The following DPP10 variants were observed in gnomAD, a reference collection of about 807,000 sequenced individuals.
The protein encoded by DPP10 is inactive dipeptidyl peptidase 10.
DPP10 carries 33 observed loss-of-function variants against 120.9 expected under a neutral mutation model. The observed-to-expected ratio is 0.27, with a 90% CI of 0.21 to 0.37. The LOEUF (loss-of-function observed/expected upper bound fraction) is 0.37, where lower values mean the gene tolerates loss of function less well. DPP10 is among the 10% of genes least tolerant of loss of function. DPP10 has a pLI of 1.00. For missense variants in DPP10, 816 were observed against 942.8 expected (o/e 0.87, Z 1.76); for synonymous variants, 337 against 326.1 (o/e 1.03, Z -0.36).
At chr2:115,825,112 A>G (rs1688179549) in intron 21 of DPP10, among the ~76,000 whole-genome samples, 1 of 152,248 alleles carries the variant, frequency 6.6e-6, no homozygotes, top group African/African-American at 2.4e-5. Context: ...TGATATTTCA[A>G]CTGCATTTAC....
chr2:114,455,748 A>G (rs748861609), intron 1 of DPP10, among the ~76,000 whole-genome samples: 2 of 135,290 alleles, frequency 1.5e-5, no homozygotes, highest in Non-Finnish European at 3.2e-5. Flanking sequence ...TTTTTTTACC[A>G]TTTTCATGCT....
At chr2:115,400,884 C>T (rs1307161185) in intron 3 of DPP10, among the ~76,000 whole-genome samples, 7 of 152,150 alleles carry the variant, frequency 4.6e-5, no homozygotes, top group East Asian at 3.9e-4. Context: ...CCAACAGTTT[C>T]GAGGCTATGC....
At chr2:114,602,481 C>T (rs964734829) in intron 1 of DPP10, among the ~76,000 whole-genome samples, 1 of 151,786 alleles carries the variant, frequency 6.6e-6, no homozygotes, top group African/African-American at 2.4e-5. Flanking sequence ...CATCATCATC[C>T]CAGCTCATAT....
chr2:115,495,823 A>T lies in DPP10; in HGVS notation c.272-3687A>T, dbSNP rs1575016872. ...AACTGACTGAGTCGAATGTGTGTTC[A>T]GAATAATTGGCTCTTAACTGTCAAA... On this transcript the variant is annotated intron_variant, in intron 3 of 25. Coordinates refer to ENST00000410059, the MANE Select transcript of DPP10 (RefSeq NM_020868.6). Among the ~76,000 whole-genome samples, 6 of 152,300 alleles carry T rather than the reference A, an allele frequency of 3.9e-5. No homozygotes were observed. In the South Asian group the frequency reaches 8.3e-4, roughly 21 times the overall value.
At chr2:114,521,574 T>G (rs982715383) in intron 1 of DPP10, among the ~76,000 whole-genome samples, 3 of 152,206 alleles carry the variant, frequency 2.0e-5, no homozygotes, top group Non-Finnish European at 4.4e-5. Flanking sequence ...CAGGAAAATT[T>G]AAAATATTTG....
intron 1 of DPP10, among the ~76,000 whole-genome samples, chr2:115,025,961 T>C: frequency 6.6e-6 from 1 of 152,036 alleles, no homozygotes; most frequent in Admixed American, 6.6e-5. Context: ...TCTTCTCCTA[T>C]TCTGTGGGTT....
At chr2:114,634,857 G>A (rs991596926) in intron 1 of DPP10, among the ~76,000 whole-genome samples, 3 of 151,962 alleles carry the variant, frequency 2.0e-5, no homozygotes, top group South Asian at 4.1e-4. Flanking sequence ...AGTATGTGTT[G>A]ATCTGATCTA....
intron 1 of DPP10, among the ~76,000 whole-genome samples, chr2:114,863,454 A>G (rs1458804988): frequency 1.3e-5 from 2 of 152,128 alleles, no homozygotes; most frequent in Non-Finnish European, 2.9e-5. Context: ...CCCATTAGTT[A>G]GTGGTGGTGA....
intron 1 of DPP10, among the ~76,000 whole-genome samples, chr2:114,633,823 C>G (rs1002997954): frequency 6.6e-6 from 1 of 151,624 alleles, no homozygotes; most frequent in African/African-American, 2.4e-5. Flanking sequence ...TTATGTTAGC[C>G]AGACTGGTCT....
chr2:115,817,075 C>T (rs985206469), intron 21 of DPP10, among the ~76,000 whole-genome samples: 5 of 151,384 alleles, frequency 3.3e-5, no homozygotes, highest in Admixed American at 6.6e-5. Context: ...GGTGAAACCC[C>T]GTCTCTACTA....
intron 1 of DPP10, among the ~76,000 whole-genome samples, chr2:115,152,505 A>C (rs2051623387): frequency 6.6e-6 from 1 of 152,178 alleles, no homozygotes; most frequent in Admixed American, 6.5e-5. Context: ...GGTAAAATTT[A>C]AGACTGACTT....
chr2:115,110,456 G>T (rs547761016), intron 1 of DPP10, among the ~76,000 whole-genome samples: 2 of 152,240 alleles, frequency 1.3e-5, no homozygotes, highest in South Asian at 4.1e-4. Flanking sequence ...TTGTGCTTTA[G>T]CAGTGTATGA....
intron 1 of DPP10, among the ~76,000 whole-genome samples, chr2:114,524,070 A>T (rs1033117663): frequency 6.6e-6 from 1 of 152,230 alleles, no homozygotes; most frequent in Non-Finnish European, 1.5e-5. Flanking sequence ...TTACTTTACA[A>T]TTGTACCCAT....
Position 115,570,780 on chromosome 2 carries a change from T to A in DPP10, c.441+44808T>A, listed in dbSNP as rs187192748. Among the ~76,000 whole-genome samples the A allele has an allele frequency of 3.9e-3, 596 of 152,352 alleles. 1 individual carries two copies. Among genetic ancestry groups the A allele is most frequent in the Non-Finnish European group, 6.0e-3 (409 of 68,034 alleles). On this transcript the variant is annotated intron_variant, in intron 5 of 25. Coordinates refer to ENST00000410059, the MANE Select transcript of DPP10 (RefSeq NM_020868.6). ...AAAATACAGAAATTAAGTGTTTGCA[T>A]AATGGAAGACTAGACAATTTGAATG... is the stretch of plus-strand genomic sequence containing the variant.
At chr2:115,650,416 G>T (rs543831975) in intron 5 of DPP10, among the ~76,000 whole-genome samples, 1 of 144,304 alleles carries the variant, frequency 6.9e-6, no homozygotes, top group African/African-American at 2.6e-5. Flanking sequence ...GGAAAGGGGG[G>T]GGGGGATAAT....
At chr2:114,493,413 C>T (rs1682175940) in intron 1 of DPP10, among the ~76,000 whole-genome samples, 1 of 152,106 alleles carries the variant, frequency 6.6e-6, no homozygotes, top group African/African-American at 2.4e-5. Context: ...AGAAGAATGG[C>T]TTGTGCAGCA....
At chr2:115,418,789 T>C (rs565699655) in intron 3 of DPP10, among the ~76,000 whole-genome samples, 124 of 151,730 alleles carry the variant, frequency 8.2e-4, no homozygotes, top group African/African-American at 2.7e-3. Flanking sequence ...ACAGAAAAAA[T>C]AATTAATTAA....
rs115734381 is a variant in DPP10 at position 114,454,303 on chromosome 2, A to T, written c.60+11465A>T. The stretch of plus-strand genomic sequence containing the variant: ...ACTACCATTGTTAAGTGCCCAAACC[A>T]TGATGCTTTTCTAGGTACTTTTATG... On this transcript the variant is annotated intron_variant, in intron 1 of 25. Coordinates refer to ENST00000410059, the MANE Select transcript of DPP10 (RefSeq NM_020868.6). 8.7e-3 allele frequency among the ~76,000 whole-genome samples: 1,320 copies of T among 152,262 alleles called. 29 individuals carry two copies. Among genetic ancestry groups the T allele is most frequent in the African/African-American group, 0.03 (1,245 of 41,564 alleles).
chr2:114,857,460 G>A (rs550994157), intron 1 of DPP10, among the ~76,000 whole-genome samples: 5 of 152,222 alleles, frequency 3.3e-5, no homozygotes, highest in Non-Finnish European at 7.4e-5. Flanking sequence ...GTTCAGACCC[G>A]TTGGATTAAT....
Sources: allele counts gnomAD v4.1 joint callset (sites outside exome capture counted in the v4.1 genomes callset), GRCh38; gene constraint gnomAD v4.1.1; transcripts MANE v1.5; gene names NCBI Gene and HGNC (gene_info 2026-07-23, HGNC 2026-07-21).